Variants in WDR75 observed in about 807,000 individuals in gnomAD.
WDR75 encodes WD repeat domain 75, also known as WD repeat-containing protein 75.
WDR75 carries 52 observed loss-of-function variants against 106.1 expected under a neutral mutation model. The observed-to-expected ratio is 0.49, with a 90% CI of 0.39 to 0.62. The LOEUF is 0.62. WDR75 is among the 20% of genes least tolerant of loss of function. WDR75 has a pLI of 0.00. For synonymous variants in WDR75, 333 were observed against 335.5 expected, an observed-to-expected ratio of 0.99 and a Z score of 0.08; for missense variants, 905 against 970.3, an observed-to-expected ratio of 0.93 and a Z score of 0.89.
At chr2:189,465,367 A>T in intron 12 of WDR75, 113 bp downstream of exon 12, 1 of 1,160,720 alleles carries the variant, frequency 8.6e-7, no homozygotes, top group East Asian at 2.6e-5. Context: ...AGATTTAGAG[A>T]TATGGGAGAG....
intron 2 of WDR75, chr2:189,450,661 A>G: frequency 7.6e-7 from 1 of 1,319,228 alleles, no homozygotes; most frequent in Non-Finnish European, 9.6e-7. Context: ...CCTCTTCAAG[A>G]CAGAAAGTTG....
In WDR75 at chr2:189,465,243, G is replaced by A; in HGVS notation, c.1278G>A (p.Lys426=). Residue 426 remains lysine (K), a synonymous_variant, in exon 12 of 21, where the codon AAG becomes AAA. Coordinates refer to ENST00000314761, the MANE Select transcript of WDR75 (RefSeq NM_032168.3). ...AAATGAAACTGTGGATGTATAATAAGAAAACACAAGGGTAATACTATCTGT... is the reference window on the plus strand; with the variant it reads ...AAATGAAACTGTGGATGTATAATAAAAAAACACAAGGGTAATACTATCTGT... ...ELQMKLWMYN[K]KTQGFILNTK... is the part of the protein sequence containing the mutation. The A allele has an allele frequency of 6.2e-7, 1 of 1,611,674 alleles. No homozygotes were observed. Among genetic ancestry groups the A allele is most frequent in the Non-Finnish European group, 8.5e-7 (1 of 1,178,624 alleles).
At position 189,474,723 on chromosome 2, in the gene WDR75, C is replaced by A; in HGVS notation, c.2203C>A (p.His735Asn). The A allele has an allele frequency of 1.2e-6, 2 of 1,613,878 alleles. No homozygotes were observed. Among genetic ancestry groups the A allele is most frequent in the Non-Finnish European group, 1.7e-6 (2 of 1,179,838 alleles). ...GTTTTCTGTTTGACTCCAGCTTCTT[C>A]ACACTCCAGCCCATGTCCTGCCATC... ...ENIPAISELL[H>N]TPAHVLPSAA... The change falls in exon 20 of 21, where the codon CAC (histidine) becomes AAC (asparagine). Residue 735 changes from histidine (H) to asparagine (N), a missense_variant. Coordinates refer to ENST00000314761, the MANE Select transcript of WDR75 (RefSeq NM_032168.3).
chr2:189,475,222 A>G lies in WDR75; in HGVS notation c.2298A>G (p.Glu766=), dbSNP rs575754138. The G allele has an allele frequency of 2.9e-5, 47 of 1,606,958 alleles. 1 individual carries two copies. In the South Asian group the frequency reaches 4.8e-4, roughly 16 times the overall value. The part of the protein sequence containing the change: ...LLSKETKSAK[E]IPEDVDMEEE... ...TCTGTTATTGTTAAAGTGCTAAGGA[A>G]ATTCCTGAAGATGTAGATATGGAAG... Residue 766 remains glutamate, a synonymous_variant, in exon 21 of 21, where the codon GAA becomes GAG. Transcript: ENST00000314761.
rs755713816 is a variant in WDR75, at chr2:189,462,472, A to G, written c.779-12A>G. The G allele has an allele frequency of 6.2e-7, 1 of 1,606,354 alleles. No individual in the cohort carries two copies. On this transcript the variant is annotated splice_polypyrimidine_tract_variant and intron_variant, in intron 8 of 20. Coordinates refer to ENST00000314761, the MANE Select transcript of WDR75 (RefSeq NM_032168.3). ...AACACCATCCTTTTAATTTCCTTGA[A>G]TGGATATGAAGGCACCAGTCTGCTG...
intron 5 of WDR75, 66 bp from the exon 6 acceptor site, chr2:189,457,245 A>T: frequency 8.4e-7 from 1 of 1,196,602 alleles, no homozygotes. Context: ...TTGTCTCAAA[A>T]AAAAAAGAAA....
At chr2:189,453,908 G>T (rs2105557222) in intron 4 of WDR75, among the ~76,000 whole-genome samples, 1 of 152,262 alleles carries the variant, frequency 6.6e-6, no homozygotes, top group East Asian at 1.9e-4. Context: ...AAACAAATTA[G>T]CCTTTCATTT....
At position 189,451,847 on chromosome 2, in the gene WDR75, G is replaced by A. The variant is rs954431243; in HGVS notation, c.325G>A (p.Ala109Thr). ...GCKLHALFTL[A>T]QAEDSVFVIV... ...TAAACTTCATGCCCTCTTTACTCTT[G>A]CCCAAGCTGAGGATTCTGTCTTTGT... is the stretch of plus-strand genomic sequence containing the variant. Residue 109 changes from alanine to threonine, a missense_variant, in exon 4 of 21, where the codon GCC becomes ACC. Physicochemically the swap from Ala to Thr is moderately conservative, Grantham distance 58. Coordinates refer to ENST00000314761, the MANE Select transcript of WDR75 (RefSeq NM_032168.3). 2 of 1,613,696 alleles carry A rather than the reference G, an allele frequency of 1.2e-6. No individual in the cohort carries two copies. Among genetic ancestry groups the A allele is most frequent in the Non-Finnish European group, 1.7e-6 (2 of 1,179,890 alleles).
Position 189,461,934 on chromosome 2 carries a change from G to A in WDR75, c.779-550G>A, listed in dbSNP as rs941236042. 5.3e-5 allele frequency among the ~76,000 whole-genome samples: 8 copies of A among 152,242 alleles called. No individual in the cohort carries two copies. In the East Asian group the frequency reaches 5.8e-4, roughly 11 times the overall value. ...TTCTGAGAGGTATTATCATGAATAC[G>A]TATAGAATTCTGTCATTTGCTTTTT... On this transcript the variant is annotated intron_variant, in intron 8 of 20. Coordinates refer to ENST00000314761, the MANE Select transcript of WDR75 (RefSeq NM_032168.3).
intron 13 of WDR75, among the ~76,000 whole-genome samples, 159 bp from the exon 14 acceptor site, chr2:189,467,309 C>CT (rs1049164510): frequency 5.3e-5 from 8 of 152,068 alleles, no homozygotes; most frequent in African/African-American, 1.9e-4. Context: ...TTCAAAATAT[C>CT]TTTTTGTACT....
intron 1 of WDR75, among the ~76,000 whole-genome samples, chr2:189,445,111 G>C (rs562744741): frequency 6.6e-6 from 1 of 152,244 alleles, no homozygotes; most frequent in East Asian, 1.9e-4. Flanking sequence ...TGCTAAGCTT[G>C]TATTTGCATG....
intron 13 of WDR75, among the ~76,000 whole-genome samples, chr2:189,466,972 C>T (rs1201972041): frequency 6.6e-6 from 1 of 151,964 alleles, no homozygotes; most frequent in African/African-American, 2.4e-5. Context: ...TGTTTTGTGT[C>T]TTTGTTTCTT....
At chr2:189,470,976 T>C in intron 18 of WDR75, 98 bp downstream of exon 18, 1 of 878,090 alleles carries the variant, frequency 1.1e-6, no homozygotes, top group Non-Finnish European at 1.6e-6. Context: ...CACTTGGCCC[T>C]AAAATAGAAT....
rs773573291 is a variant in WDR75, at chr2:189,460,564, G to A, written c.778+1140G>A. On this transcript the variant is annotated intron_variant, in intron 8 of 20. Transcript: ENST00000314761. Reference sequence around the variant, plus strand: ...TTGTTACCCAAGCTGGAGTGCAGTGGCACCATCTTGGCTCACTGCAACCTC... The same window carrying A: ...TTGTTACCCAAGCTGGAGTGCAGTGACACCATCTTGGCTCACTGCAACCTC... Among the ~76,000 whole-genome samples the A allele has an allele frequency of 9.1e-4, 137 of 151,020 alleles. 3 individuals are homozygous for A. The Middle Eastern group carries it at 0.014, about 15-fold the overall frequency.
At chr2:189,444,506 G>T (rs1234300081) in intron 1 of WDR75, among the ~76,000 whole-genome samples, 1 of 152,142 alleles carries the variant, frequency 6.6e-6, no homozygotes, top group Non-Finnish European at 1.5e-5. Flanking sequence ...CACTGGGGTT[G>T]TTAGGGTAGA....
chr2:189,454,518 T>C (rs571703749), intron 4 of WDR75, among the ~76,000 whole-genome samples: 2 of 148,604 alleles, frequency 1.3e-5, no homozygotes, highest in Admixed American at 6.7e-5. Context: ...AGTTGATTTG[T>C]ATTTCTTTTG....
In WDR75 at chr2:189,455,386, T is replaced by A; in HGVS notation, c.440T>A (p.Leu147Gln). ...SSSQEVEAKE[L>Q]SFVLDYINQS... ...AGCCAGGAAGTAGAAGCCAAGGAGC[T>A]GTCCTTTGTTTTGGATTACATAAAC... The change falls in exon 5 of 21, where the codon CTG becomes CAG. Residue 147 changes from leucine (L) to glutamine (Q), a missense_variant. Physicochemically the swap from Leu to Gln is moderately radical, Grantham distance 113. Coordinates refer to ENST00000314761, the MANE Select transcript of WDR75 (RefSeq NM_032168.3). 1 of 1,614,172 alleles carries A rather than the reference T, an allele frequency of 6.2e-7. No homozygotes were observed.
chr2:189,474,462 C>T, intron 19 of WDR75, 130 bp downstream of exon 19: 2 of 1,127,080 alleles, frequency 1.8e-6, no homozygotes, highest in Non-Finnish European at 2.5e-6. Context: ...TAACTAACAA[C>T]AAACCGAGTA....
intron 2 of WDR75, chr2:189,450,344 T>G: frequency 1.1e-6 from 1 of 942,676 alleles, no homozygotes; most frequent in Non-Finnish European, 1.2e-6. Flanking sequence ...TGTGGGTGTT[T>G]TTGTTTTGTT....
Sources: gnomAD v4.1 joint callset for allele counts (sites outside exome capture counted in the v4.1 genomes callset) on GRCh38, gnomAD v4.1.1 for gene constraint, MANE v1.5 for transcripts, NCBI Gene and HGNC (gene_info 2026-07-23, HGNC 2026-07-21) for gene names.